The following HTT variants were observed in gnomAD, a reference collection of about 807,000 sequenced individuals.
HTT encodes the protein huntington disease protein.
Under a neutral mutation model 362.3 loss-of-function variants are expected in HTT, and 104 were observed. That is an observed-to-expected ratio of 0.29 (90% CI 0.24 to 0.34). The LOEUF is 0.34. HTT is among the 10% of genes least tolerant of loss of function. HTT has a pLI of 1.00. For synonymous variants in HTT, 1,577 were observed against 1,548.7 expected (o/e 1.02, Z -0.43); for missense variants, 3,301 against 3,928.6 (o/e 0.84, Z 4.27).
chr4:3,216,090 G>C (rs931882362), intron 51 of HTT, among the ~76,000 whole-genome samples: 1 of 152,190 alleles, frequency 6.6e-6, no homozygotes, highest in Non-Finnish European at 1.5e-5. Context: ...GAGTGCACCA[G>C]TGCTTTTGGG....
rs1367977719 is a variant in HTT at position 3,225,758 on chromosome 4, C to T, written c.7848+15C>T. ...AACTCGGCCAGGTCAGTCTCGCGCC[C>T]CCGCCGCCTGGCCTCTGTCCGTTTC... On this transcript the variant is annotated intron_variant, in intron 57 of 66. Coordinates refer to ENST00000355072, the MANE Select transcript of HTT (RefSeq NM_001388492.1). The T allele has an allele frequency of 6.2e-7, 1 of 1,605,430 alleles. No individual in the cohort carries two copies. Among genetic ancestry groups the T allele is most frequent in the African/African-American group, 1.3e-5 (1 of 74,768 alleles).
At chr4:3,103,307 C>T (rs994591229) in intron 3 of HTT, among the ~76,000 whole-genome samples, 3 of 148,642 alleles carry the variant, frequency 2.0e-5, no homozygotes, top group African/African-American at 7.5e-5. Flanking sequence ...TCACTGCAAC[C>T]TCCGCCTCCC....
Position 3,131,407 on chromosome 4 carries a change from A to G in HTT, c.2098+10A>G, listed in dbSNP as rs1241167503. 1.3e-6 allele frequency: 2 copies of G among 1,594,730 alleles called. No individual in the cohort carries two copies. Among genetic ancestry groups the G allele is most frequent in the Non-Finnish European group, 1.7e-6 (2 of 1,162,480 alleles). ...ACAGGGGGAAAAAATGGTGAGTACA[A>G]AAGGGGATGTGCACAGTTGAAGGAA... On this transcript the variant is annotated intron_variant, in intron 15 of 66. Transcript: ENST00000355072.
intron 34 of HTT, 84 bp downstream of exon 34, chr4:3,177,471 T>G: frequency 1.1e-6 from 1 of 870,978 alleles, no homozygotes; most frequent in Non-Finnish European, 1.8e-6. Context: ...ATGTTTAAAC[T>G]ACTGTTAGGC....
intron 29 of HTT, among the ~76,000 whole-genome samples, chr4:3,168,178 G>T (rs1405240494): frequency 6.6e-6 from 1 of 152,184 alleles, no homozygotes; most frequent in Non-Finnish European, 1.5e-5. Flanking sequence ...TGAGGCAGCT[G>T]GAAAGATATC....
intron 40 of HTT, among the ~76,000 whole-genome samples, chr4:3,197,755 A>G (rs964888509): frequency 3.3e-5 from 5 of 152,212 alleles, no homozygotes; most frequent in African/African-American, 1.2e-4. Context: ...GATCTGAACC[A>G]GGCAGTCTGA....
Position 3,228,944 on chromosome 4 carries a change from T to C in HTT, c.8044T>C (p.Trp2682Arg), listed in dbSNP as rs1217554925. 4 of 1,613,836 alleles carry C rather than the reference T, an allele frequency of 2.5e-6. No individual in the cohort carries two copies. Among genetic ancestry groups the C allele is most frequent in the Non-Finnish European group, 3.4e-6 (4 of 1,179,830 alleles). ...GTTTTTGCTTGAGTTGTACAGCCGC[T>C]GGATCCTGCCGTCCAGCTCAGCCAG... ...SQFLLELYSR[W>R]ILPSSSARRT... The change falls in exon 59 of 67, where the codon TGG (tryptophan) becomes CGG (arginine). Residue 2682 changes from tryptophan (W) to arginine (R), a missense_variant. By Grantham distance (101) the Trp-to-Arg change is moderately radical. Coordinates refer to ENST00000355072, the MANE Select transcript of HTT (RefSeq NM_001388492.1). This position sits in a 1 kb window ranked among gnomAD's most constrained non-coding sequence, Gnocchi z 4.3.
At chr4:3,227,040 G>A (rs921686787) in intron 57 of HTT, among the ~76,000 whole-genome samples, 1 of 152,244 alleles carries the variant, frequency 6.6e-6, no homozygotes, top group Admixed American at 6.5e-5. Flanking sequence ...AGAGGCCTGG[G>A]GCTCACTGGG....
intron 1 of HTT, among the ~76,000 whole-genome samples, chr4:3,078,174 T>G (rs975821694): frequency 6.6e-6 from 1 of 152,222 alleles, no homozygotes; most frequent in African/African-American, 2.4e-5. Flanking sequence ...TACTTGCTTC[T>G]GGCAGTTTCT....
In HTT at chr4:3,156,984, T is replaced by A. The variant is rs978130142; in HGVS notation, c.3626-88T>A. Reference sequence around the variant, plus strand: ...TGAATATTTTCATACTAGAATACTTTAAAAAATCATGATTTCCAGTAATCT... The same window carrying A: ...TGAATATTTTCATACTAGAATACTTAAAAAAATCATGATTTCCAGTAATCT... On this transcript the variant is annotated intron_variant, in intron 27 of 66. Coordinates refer to ENST00000355072, the MANE Select transcript of HTT (RefSeq NM_001388492.1). 6.2e-6 allele frequency: 7 copies of A among 1,122,154 alleles called. No homozygotes were observed. In the East Asian group the frequency reaches 1.4e-4, roughly 23 times the overall value. The allele number at this position is 1,122,154 out of a possible 1,614,324, so 69.5% of individuals were successfully genotyped here. A position where few individuals can be genotyped will look rare whatever the true frequency, so the allele number is the denominator to read the frequency against.
At chr4:3,148,520 G>A (rs1287908411) in intron 26 of HTT, among the ~76,000 whole-genome samples, 2 of 152,164 alleles carry the variant, frequency 1.3e-5, no homozygotes, top group East Asian at 1.9e-4. Context: ...GGGTTGGGCC[G>A]GGCGTGGTGG....
At chr4:3,111,201 T>TC (rs1238756263) in intron 6 of HTT, among the ~76,000 whole-genome samples, 1 of 150,922 alleles carries the variant, frequency 6.6e-6, no homozygotes, top group African/African-American at 2.4e-5. Flanking sequence ...TACTTTTTTT[T>TC]TTTTTTTTTT....
intron 1 of HTT, among the ~76,000 whole-genome samples, chr4:3,081,886 GT>G (rs537378843): frequency 5.4e-5 from 8 of 147,034 alleles, no homozygotes; most frequent in Admixed American, 1.4e-4. Context: ...GGCTGTTTTT[GT>G]TTTTTTTTTA....
intron 1 of HTT, among the ~76,000 whole-genome samples, chr4:3,086,042 A>G (rs576103270): frequency 4.8e-4 from 73 of 152,354 alleles, no homozygotes; most frequent in African/African-American, 1.7e-3. Context: ...TCAGTTAACG[A>G]TTTTGAGAAC....
intron 18 of HTT, among the ~76,000 whole-genome samples, chr4:3,134,022 C>T (rs1715951326): frequency 6.6e-6 from 1 of 151,950 alleles, no homozygotes; most frequent in Non-Finnish European, 1.5e-5. Context: ...GTGGGGTGGT[C>T]CTTGGTGTAG....
intron 40 of HTT, among the ~76,000 whole-genome samples, chr4:3,196,230 T>A (rs751183603): frequency 5.9e-5 from 9 of 152,094 alleles, no homozygotes; most frequent in Non-Finnish European, 7.4e-5. Flanking sequence ...GATGAATCCT[T>A]CTCATGAGCC....
intron 2 of HTT, among the ~76,000 whole-genome samples, chr4:3,089,284 T>C (rs546037882): frequency 4.2e-4 from 64 of 152,276 alleles, no homozygotes; most frequent in African/African-American, 1.4e-3. Flanking sequence ...GACAGAGTCT[T>C]GCTCTGTTGC....
At chr4:3,222,542 C>A in intron 54 of HTT, 55 bp downstream of exon 54, 1 of 1,314,354 alleles carries the variant, frequency 7.6e-7, no homozygotes. Flanking sequence ...CGCTTGCAGG[C>A]CTTTGGTGGG....
intron 60 of HTT, among the ~76,000 whole-genome samples, chr4:3,232,870 C>T (rs1050220689): frequency 2.6e-5 from 4 of 152,226 alleles, no homozygotes; most frequent in Non-Finnish European, 4.4e-5. Context: ...CTCTGCCTGC[C>T]TCGTGCCCAG....
Sources: allele counts gnomAD v4.1 joint callset (sites outside exome capture counted in the v4.1 genomes callset), GRCh38; gene constraint gnomAD v4.1.1; non-coding constraint Gnocchi (gnomAD v3.1); transcripts MANE v1.5; gene names NCBI Gene and HGNC (gene_info 2026-07-23, HGNC 2026-07-21).